The following KIF1A variants were observed in gnomAD, a reference collection of about 807,000 sequenced individuals.
The protein encoded by KIF1A is kinesin family member 1A.
In KIF1A, 46 loss-of-function variants were observed where a neutral mutation model predicts 227.3. The observed-to-expected ratio is 0.20, with a 90% confidence interval of 0.16 to 0.26. KIF1A has a LOEUF of 0.26. Among genes scored for constraint, KIF1A ranks in the 10% least tolerant of loss-of-function variants. The pLI, the probability that KIF1A is intolerant of heterozygous loss-of-function variation, is 1.00. For synonymous variants in KIF1A, 1,022 were observed against 1,012.8 expected (o/e 1.01, Z -0.17); for missense variants, 1,683 against 2,485.9 (o/e 0.68, Z 6.87).
chr2:240,819,258 C>G (rs534248152), intron 1 of KIF1A, among the ~76,000 whole-genome samples: 3 of 152,184 alleles, frequency 2.0e-5, no homozygotes, highest in Non-Finnish European at 4.4e-5. Context: ...GGCCACTGTT[C>G]CTTCGTGTCA....
Position 240,743,963 on chromosome 2 carries a change from G to C in KIF1A, c.3563C>G (p.Pro1188Arg). ...TAACCTGAGCACGTCCTTGCAGAGG[G>C]GCGGGAACGGGTGCTGCTGGTAGTG... ...FGHYQQHPFP[P>R]LCKDVLSPLR... Residue 1188 changes from proline (P) to arginine (R), a missense_variant, in exon 33 of 49, where the codon CCC (proline) becomes CGC (arginine). Physicochemically the swap from Pro to Arg is moderately radical, Grantham distance 103. Coordinates refer to ENST00000498729, the MANE Select transcript of KIF1A (RefSeq NM_001244008.2). 4 of 1,613,326 alleles carry C rather than the reference G, an allele frequency of 2.5e-6. No homozygotes were observed. Among genetic ancestry groups the C allele is most frequent in the Non-Finnish European group, 3.4e-6 (4 of 1,179,518 alleles).
At chr2:240,717,931 G>A in intron 48 of KIF1A, 119 bp downstream of exon 48, 1 of 730,484 alleles carries the variant, frequency 1.4e-6, no homozygotes, top group Non-Finnish European at 2.4e-6. Flanking sequence ...GGGATTGAGG[G>A]CAGGACCCCT....
At chr2:240,748,580 T>TG (rs895451084) in intron 28 of KIF1A, 13 of 197,624 alleles carry the variant, frequency 6.6e-5, no homozygotes, top group Admixed American at 1.9e-4. Context: ...CCTGGTGAGG[T>TG]GGGGGTGGCA....
In KIF1A at chr2:240,778,026, G is replaced by A. The variant is rs1001357916; in HGVS notation, c.883-2100C>T. On this transcript the variant is annotated intron_variant, in intron 10 of 48. Transcript: ENST00000498729. This position sits in a 1 kb window ranked among gnomAD's most constrained non-coding sequence, Gnocchi z 7.2. The stretch of plus-strand genomic sequence containing the variant: ...CCGTTCCCCGCACGGTTCCCACGCG[G>A]CTGCTCGCAGCTCACCACACAGTTC... Among the ~76,000 whole-genome samples, 2 of 152,104 alleles carry A rather than the reference G, an allele frequency of 1.3e-5. No homozygotes were observed. The highest frequency in any genetic ancestry group is 4.8e-5 in the African/African-American group (2 of 41,422).
In KIF1A at chr2:240,788,276, C is replaced by G. The variant is rs777306478; in HGVS notation, c.184-46G>C. The G allele has an allele frequency of 1.3e-6, 2 of 1,578,536 alleles. No individual in the cohort carries two copies. Among genetic ancestry groups the G allele is most frequent in the Admixed American group, 1.7e-5 (1 of 58,898 alleles). ...GAAGTTGCAGGAGGCTGGGTGCATCCGAGGCTCAGCCCATCATGTCTGCGG... is the reference window on the plus strand; with the variant it reads ...GAAGTTGCAGGAGGCTGGGTGCATCGGAGGCTCAGCCCATCATGTCTGCGG... On this transcript the variant is annotated intron_variant, in intron 3 of 48. Transcript: ENST00000498729. This position sits in a 1 kb window ranked among gnomAD's most constrained non-coding sequence, Gnocchi z 6.6.
At chr2:240,811,127 C>T (rs929869715) in intron 1 of KIF1A, among the ~76,000 whole-genome samples, 9 of 152,254 alleles carry the variant, frequency 5.9e-5, no homozygotes, top group African/African-American at 1.9e-4. Context: ...TTTGGGAGGC[C>T]GAGGTGGGCA....
intron 22 of KIF1A, 54 bp downstream of exon 22, chr2:240,762,965 G>C: frequency 1.4e-6 from 2 of 1,404,780 alleles, no homozygotes; most frequent in Non-Finnish European, 1.9e-6. Context: ...GGAGGACAGG[G>C]GTCCCCTGGT....
At chr2:240,817,304 G>A (rs1357982175) in intron 1 of KIF1A, among the ~76,000 whole-genome samples, 1 of 152,206 alleles carries the variant, frequency 6.6e-6, no homozygotes, top group Non-Finnish European at 1.5e-5. Context: ...GGCATGGAGT[G>A]GGTGATGGGC....
In KIF1A at chr2:240,771,623, G is replaced by A. The variant is rs905547479; in HGVS notation, c.1208-519C>T. Reference sequence around the variant, plus strand: ...TGGCGTGGTCACCCAGCAGCGCCCCGTGCAGACCCCCACGCTTGTCCTCCC... The same window carrying A: ...TGGCGTGGTCACCCAGCAGCGCCCCATGCAGACCCCCACGCTTGTCCTCCC... On this transcript the variant is annotated intron_variant, in intron 14 of 48. Transcript: ENST00000498729. Among the ~76,000 whole-genome samples, 11 of 152,038 alleles carry A rather than the reference G, an allele frequency of 7.2e-5. No homozygotes were observed. The East Asian group carries it at 1.2e-3, about 16-fold the overall frequency.
In KIF1A at chr2:240,761,364, C is replaced by T. The variant is rs974435669; in HGVS notation, c.2130G>A (p.Glu710=). 6.2e-7 allele frequency: 1 copy of T among 1,609,756 alleles called. No individual in the cohort carries two copies. Among genetic ancestry groups the T allele is most frequent in the East Asian group, 2.2e-5 (1 of 44,792 alleles). ...EEPEDEVQWT[E]RECELALWAF... ...CCCAGAGCGCCAGCTCACACTCCCGCTCTGTCCACTGGACTGTGGGGAGAG... is the reference window on the plus strand; with the variant it reads ...CCCAGAGCGCCAGCTCACACTCCCGTTCTGTCCACTGGACTGTGGGGAGAG... The change falls in exon 24 of 49, where the codon GAG becomes GAA. Residue 710 remains glutamate, a synonymous_variant. Coordinates refer to ENST00000498729, the MANE Select transcript of KIF1A (RefSeq NM_001244008.2).
intron 1 of KIF1A, among the ~76,000 whole-genome samples, chr2:240,819,884 G>A (rs2058606501): frequency 6.6e-6 from 1 of 152,206 alleles, no homozygotes; most frequent in African/African-American, 2.4e-5. Context: ...CTTTTCCAGC[G>A]GCACCTGAAG....
intron 5 of KIF1A, among the ~76,000 whole-genome samples, chr2:240,786,836 T>TATCAGGACCCCTGAGTGAGGGGGTGGGG (rs1448561957): frequency 1.9e-5 from 1 of 52,906 alleles, no homozygotes; most frequent in Non-Finnish European, 4.1e-5. Flanking sequence ...GGGTGGGGGC[T>TATCAGGACCCCTGAGTGAGGGGGTGGGG]GCCTGCTGAG....
rs1378924564 is a variant in KIF1A, at chr2:240,793,479, C to T, written c.107-4167G>A. 6.6e-6 allele frequency among the ~76,000 whole-genome samples: 1 copy of T among 152,220 alleles called. No individual in the cohort carries two copies. Among genetic ancestry groups the T allele is most frequent in the African/African-American group, 2.4e-5 (1 of 41,454 alleles). The stretch of plus-strand genomic sequence containing the variant: ...CTGAGGGTCCGCGTCCCCAGCCAGC[C>T]TCCAGCATCTGCAGAATGGCTGGGC... On this transcript the variant is annotated intron_variant, in intron 2 of 48. Coordinates refer to ENST00000498729, the MANE Select transcript of KIF1A (RefSeq NM_001244008.2). This position sits in a 1 kb window ranked among gnomAD's most constrained non-coding sequence, Gnocchi z 4.8.
At chr2:240,780,266 C>G (rs942785810) in intron 10 of KIF1A, among the ~76,000 whole-genome samples, 12 of 152,042 alleles carry the variant, frequency 7.9e-5, no homozygotes, top group African/African-American at 2.9e-4. Context: ...CTCGGCGTCC[C>G]TCACACGATT....
intron 10 of KIF1A, among the ~76,000 whole-genome samples, chr2:240,777,168 T>A (rs1192367009): frequency 6.6e-6 from 1 of 152,110 alleles, no homozygotes; most frequent in African/African-American, 2.4e-5. Context: ...CTCAGCCTCC[T>A]GAGTAGCTAG....
At chr2:240,816,064 G>T (rs576128647) in intron 1 of KIF1A, among the ~76,000 whole-genome samples, 1 of 152,126 alleles carries the variant, frequency 6.6e-6, no homozygotes, top group Non-Finnish European at 1.5e-5. Flanking sequence ...GCATTTGAGG[G>T]GGACCTAAAA....
chr2:240,749,695 G>A (rs1483283869), intron 28 of KIF1A, among the ~76,000 whole-genome samples: 3 of 145,016 alleles, frequency 2.1e-5, no homozygotes, highest in African/African-American at 7.6e-5. Flanking sequence ...ATCAGGTGGG[G>A]AGCATTACAA....
In KIF1A at chr2:240,726,622, A is replaced by AG. The variant is rs1491515497; in HGVS notation, c.4122+203_4122+204insC. 6.6e-6 allele frequency among the ~76,000 whole-genome samples: 1 copy of AG among 152,188 alleles called. No individual in the cohort carries two copies. Among genetic ancestry groups the AG allele is most frequent in the Non-Finnish European group, 1.5e-5 (1 of 68,022 alleles). On this transcript the variant is annotated intron_variant, in intron 39 of 48. Transcript: ENST00000498729. The surrounding 1 kb of genome is among the most constrained non-coding windows in gnomAD (Gnocchi z 5.2). ...ACTCGGTCTCAAAAACAAAAAAAAAACAGCACATGGATTTATGGATTTATG... is the reference window on the plus strand; with the variant it reads ...ACTCGGTCTCAAAAACAAAAAAAAAAGCAGCACATGGATTTATGGATTTATG...
chr2:240,745,983 C>G, intron 30 of KIF1A, 56 bp downstream of exon 30: 1 of 1,596,852 alleles, frequency 6.3e-7, no homozygotes, highest in Non-Finnish European at 8.5e-7. Context: ...GGGCCGGGCT[C>G]AGGAACCAGG....
Sources: allele counts gnomAD v4.1 joint callset (sites outside exome capture counted in the v4.1 genomes callset), GRCh38; gene constraint gnomAD v4.1.1; non-coding constraint Gnocchi (gnomAD v3.1); transcripts MANE v1.5; gene names NCBI Gene and HGNC (gene_info 2026-07-23, HGNC 2026-07-21).